RSF1: variants seen among roughly 807,000 people sequenced by gnomAD.
RSF1 encodes the protein HBV pX-associated protein 8.
In RSF1, 13 loss-of-function variants were observed where a neutral mutation model predicts 145.2. The ratio of observed to expected loss-of-function variants is 0.09; its 90% CI spans 0.06 to 0.14. RSF1 has a LOEUF of 0.14. RSF1 is among the 10% of genes least tolerant of loss of function. The pLI is 1.00. For synonymous variants in RSF1, 577 were observed against 592.6 expected, an observed-to-expected ratio of 0.97 and a Z score of 0.38; for missense variants, 1,517 against 1,718.2, an observed-to-expected ratio of 0.88 and a Z score of 2.07.
chr11:77,811,728 G>A (rs1395834542), intron 1 of RSF1, among the ~76,000 whole-genome samples: 1 of 152,124 alleles, frequency 6.6e-6, no homozygotes, highest in African/African-American at 2.4e-5. Flanking sequence ...AGAAAAGCAA[G>A]GTTGAATATA....
At chr11:77,752,768 T>C (rs902757874) in intron 2 of RSF1, among the ~76,000 whole-genome samples, 5 of 152,136 alleles carry the variant, frequency 3.3e-5, no homozygotes, top group African/African-American at 9.7e-5. Context: ...TGAGACCTAC[T>C]GGGCTGCATT....
intron 15 of RSF1, among the ~76,000 whole-genome samples, chr11:77,670,170 C>T (rs1459881934): frequency 6.6e-6 from 1 of 152,118 alleles, no homozygotes; most frequent in African/African-American, 2.4e-5. Context: ...GGTGGGCTCT[C>T]GTTTGCTGAC....
intron 2 of RSF1, among the ~76,000 whole-genome samples, chr11:77,749,413 C>T (rs1164162792): frequency 6.6e-6 from 1 of 152,112 alleles, no homozygotes; most frequent in Non-Finnish European, 1.5e-5. Context: ...AGTACCAAGT[C>T]CCTAGAAGAA....
chr11:77,780,220 AAGTAACTTTTTGATAAACATCAAC>A (rs562374977), intron 1 of RSF1, among the ~76,000 whole-genome samples: 4 of 152,342 alleles, frequency 2.6e-5, no homozygotes, highest in African/African-American at 7.2e-5. Flanking sequence ...TAAAAAAACC[AAGTAACTTTTTGATAAACATCAAC>A]TTCTAACCCA....
intron 1 of RSF1, among the ~76,000 whole-genome samples, chr11:77,796,136 G>A (rs1162201685): frequency 2.0e-5 from 3 of 152,172 alleles, no homozygotes; most frequent in South Asian, 2.1e-4. Context: ...TAGGAAAAGA[G>A]GGAATCCTCC....
upstream of RSF1, among the ~76,000 whole-genome samples, chr11:77,825,451 T>C (rs1949125367): frequency 6.6e-6 from 1 of 152,158 alleles, no homozygotes; most frequent in African/African-American, 2.4e-5. Context: ...TCAAAAAAGC[T>C]GAAGGTATAT....
At chr11:77,822,206 G>A (rs1445241077), upstream of RSF1, among the ~76,000 whole-genome samples, 3 of 151,962 alleles carry the variant, frequency 2.0e-5, no homozygotes, top group African/African-American at 7.3e-5. Flanking sequence ...TTGGGAAACC[G>A]AGGTGGGTGC....
At chr11:77,741,348 G>T (rs1947934683) in intron 3 of RSF1, among the ~76,000 whole-genome samples, 2 of 152,072 alleles carry the variant, frequency 1.3e-5, no homozygotes, top group Non-Finnish European at 2.9e-5. Flanking sequence ...TTAAAGGCTA[G>T]CCTGGGCAAC....
the RSF1 span, among the ~76,000 whole-genome samples, chr11:77,863,250 A>G: frequency 2.5e-3 from 377 of 152,298 alleles, 1 homozygote; most frequent in Non-Finnish European, 4.1e-3. Flanking sequence ...GCCTTTATTT[A>G]GCCCAATCGG....
At chr11:77,741,178 A>G (rs1947931885) in intron 3 of RSF1, among the ~76,000 whole-genome samples, 1 of 152,198 alleles carries the variant, frequency 6.6e-6, no homozygotes, top group South Asian at 2.1e-4. Flanking sequence ...CTGACACACA[A>G]ATCAAGTTTT....
chr11:77,714,805 C>CA (rs1960767739), intron 5 of RSF1, among the ~76,000 whole-genome samples: 1 of 151,706 alleles, frequency 6.6e-6, no homozygotes, highest in Non-Finnish European at 1.5e-5. Flanking sequence ...TTGAGCCACT[C>CA]AACTCTAGCC....
At chr11:77,846,456 C>T in the RSF1 span, among the ~76,000 whole-genome samples, 1 of 152,166 alleles carries the variant, frequency 6.6e-6, no homozygotes, top group Non-Finnish European at 1.5e-5. Flanking sequence ...CCATCGTCTC[C>T]TCAACTTTGG....
At chr11:77,827,693 C>T in the RSF1 span, among the ~76,000 whole-genome samples, 5 of 152,184 alleles carry the variant, frequency 3.3e-5, no homozygotes, top group Non-Finnish European at 7.3e-5. Context: ...TAATTCCTCC[C>T]TCCTAAGGTC....
chr11:77,690,631 C>T (rs926278981), intron 9 of RSF1, among the ~76,000 whole-genome samples: 2 of 151,994 alleles, frequency 1.3e-5, no homozygotes, highest in African/African-American at 4.8e-5. Context: ...AGGGTTTCAC[C>T]ATGTTGGCCA....
intron 1 of RSF1, among the ~76,000 whole-genome samples, chr11:77,818,252 A>T (rs184158536): frequency 6.6e-6 from 1 of 152,306 alleles, no homozygotes; most frequent in East Asian, 1.9e-4. Flanking sequence ...TGCACTGGTC[A>T]AAATACCTAA....
intron 5 of RSF1, among the ~76,000 whole-genome samples, chr11:77,715,698 T>G (rs1960791593): frequency 6.6e-6 from 1 of 152,238 alleles, no homozygotes; most frequent in African/African-American, 2.4e-5. Flanking sequence ...TCCTCCCGCC[T>G]CAGCCTCCCA....
At chr11:77,753,404 A>G (rs1387741654) in intron 2 of RSF1, among the ~76,000 whole-genome samples, 1 of 152,176 alleles carries the variant, frequency 6.6e-6, no homozygotes, top group African/African-American at 2.4e-5. Flanking sequence ...TTAAATGACA[A>G]TGGCCCTTCC....
At chr11:77,692,885 C>G (rs1437215966) in intron 8 of RSF1, among the ~76,000 whole-genome samples, 1 of 151,886 alleles carries the variant, frequency 6.6e-6, no homozygotes, top group East Asian at 1.9e-4. Flanking sequence ...ACCATGTTGG[C>G]CAGGATGGTC....
At chr11:77,670,531 C>T (rs1959493207) in intron 15 of RSF1, among the ~76,000 whole-genome samples, 1 of 151,994 alleles carries the variant, frequency 6.6e-6, no homozygotes, top group South Asian at 2.1e-4. Context: ...TTATTGTCAC[C>T]TTCTTCCCAA....
Sources: gnomAD v4.1 joint callset for allele counts (sites outside exome capture counted in the v4.1 genomes callset) on GRCh38, gnomAD v4.1.1 for gene constraint, MANE v1.5 for transcripts, NCBI Gene and HGNC (gene_info 2026-07-23, HGNC 2026-07-21) for gene names.